TCEANC2: variants seen among roughly 807,000 people sequenced by gnomAD.
TCEANC2 encodes the protein transcription elongation factor A N-terminal and central domain containing 2.
In TCEANC2, 20 loss-of-function variants were observed where a neutral mutation model predicts 22.8. The observed-to-expected ratio is 0.88, with a 90% CI of 0.62 to 1.28. The LOEUF is 1.28. Ranked by LOEUF, TCEANC2 falls within the 50% of genes most tolerant of loss-of-function variation. The pLI is 0.00. For missense variants in TCEANC2, 251 were observed against 249.7 expected (o/e 1.01, Z -0.03); for synonymous variants, 84 against 95.5 (o/e 0.88, Z 0.70).
intron 1 of TCEANC2, 115 bp from the exon 2 acceptor site, chr1:54,054,266 C>G: frequency 6.9e-7 from 1 of 1,450,476 alleles, no homozygotes; most frequent in Non-Finnish European, 9.1e-7. Flanking sequence ...GTCAATTCCA[C>G]TCGAGGCCCC....
At chr1:54,081,455 C>T (rs1482065391) in intron 3 of TCEANC2, among the ~76,000 whole-genome samples, 1 of 152,002 alleles carries the variant, frequency 6.6e-6, no homozygotes, top group African/African-American at 2.4e-5. Flanking sequence ...CTATGTTGCC[C>T]AGGCTGATCT....
intron 2 of TCEANC2, among the ~76,000 whole-genome samples, chr1:54,058,035 C>T (rs971053164): frequency 6.6e-6 from 1 of 152,304 alleles, no homozygotes; most frequent in East Asian, 1.9e-4. Context: ...CCTTCGTGAC[C>T]TTGGTCAAGT....
chr1:54,060,637 G>C (rs571505401), intron 2 of TCEANC2, among the ~76,000 whole-genome samples: 2 of 152,036 alleles, frequency 1.3e-5, no homozygotes, highest in East Asian at 3.9e-4. Context: ...TAGACAATAA[G>C]GGCTAAGAGG....
At chr1:54,085,237 T>A (rs1658317091) in intron 3 of TCEANC2, among the ~76,000 whole-genome samples, 1 of 152,234 alleles carries the variant, frequency 6.6e-6, no homozygotes, top group African/African-American at 2.4e-5. Context: ...GGACAATTGC[T>A]TGTTTAAGCC....
In TCEANC2 at chr1:54,058,947, G is replaced by GC. The variant is rs993330379; in HGVS notation, c.102+4426dup. 2.6e-5 allele frequency among the ~76,000 whole-genome samples: 4 copies of GC among 151,774 alleles called. 1 individual carries two copies. Among genetic ancestry groups the GC allele is most frequent in the African/African-American group, 9.7e-5 (4 of 41,410 alleles). ...TAGGATTACAGGCGTGAGCCACTGT[G>GC]CCCAGCCTCTTGCTGTTCTTTGTAT... On this transcript the variant is annotated intron_variant, in intron 2 of 4. Coordinates refer to ENST00000234827, the MANE Select transcript of TCEANC2 (RefSeq NM_153035.3).
At chr1:54,068,171 C>T (rs895552747) in intron 2 of TCEANC2, among the ~76,000 whole-genome samples, 25 of 152,062 alleles carry the variant, frequency 1.6e-4, no homozygotes, top group African/African-American at 5.3e-4. Context: ...ATGCAGGGTA[C>T]AAAGGTACTT....
chr1:54,081,290 G>A (rs1658239155), intron 3 of TCEANC2, among the ~76,000 whole-genome samples: 2 of 152,108 alleles, frequency 1.3e-5, no homozygotes, highest in South Asian at 4.1e-4. Context: ...GTGCAATGGC[G>A]TGATCATAGC....
At chr1:54,089,707 A>G (rs997161364) in intron 4 of TCEANC2, 4 of 255,032 alleles carry the variant, frequency 1.6e-5, no homozygotes, top group Non-Finnish European at 2.9e-5. Flanking sequence ...TCTCTAAAAA[A>G]AATTTTAGCC....
intron 2 of TCEANC2, among the ~76,000 whole-genome samples, chr1:54,060,452 C>G (rs1323031681): frequency 6.6e-6 from 1 of 151,284 alleles, no homozygotes; most frequent in Non-Finnish European, 1.5e-5. Context: ...GCCTATGGTC[C>G]TAGCCACTAG....
At chr1:54,081,503 C>A (rs1178426297) in intron 3 of TCEANC2, among the ~76,000 whole-genome samples, 2 of 152,122 alleles carry the variant, frequency 1.3e-5, no homozygotes, top group Non-Finnish European at 2.9e-5. Flanking sequence ...TGCCTTGGCC[C>A]CCACAAAGTG....
Position 54,083,615 on chromosome 1 carries a change from T to G in TCEANC2, c.245-4982T>G, listed in dbSNP as rs77401565. 6.9e-3 allele frequency among the ~76,000 whole-genome samples: 1,056 copies of G among 152,268 alleles called. 8 individuals carry two copies. The highest frequency in any genetic ancestry group is 0.024 in the African/African-American group (1,002 of 41,540). On this transcript the variant is annotated intron_variant, in intron 3 of 4. Coordinates refer to ENST00000234827, the MANE Select transcript of TCEANC2 (RefSeq NM_153035.3). ...CTCATACATAAAGCTGGGTCAGCAG[T>G]GCGTTTCTTGGAGAGAGAAAAGGTT... is the stretch of plus-strand genomic sequence containing the variant.
chr1:54,059,848 A>G (rs185283819), intron 2 of TCEANC2, among the ~76,000 whole-genome samples: 5 of 152,372 alleles, frequency 3.3e-5, no homozygotes, highest in Admixed American at 2.6e-4. Flanking sequence ...AAAGTATTCT[A>G]CAAATGTTGT....
downstream of TCEANC2, among the ~76,000 whole-genome samples, chr1:54,109,256 G>A (rs769181450): frequency 6.6e-6 from 1 of 152,200 alleles, no homozygotes; most frequent in Non-Finnish European, 1.5e-5. Flanking sequence ...TCCCAGGTAG[G>A]GAGTGGCATT....
Position 54,100,573 on chromosome 1 carries a change from C to T in TCEANC2, c.*4100C>T, listed in dbSNP as rs1379814723. The T allele has an allele frequency of 1.3e-5, 2 of 152,192 alleles. No individual in the cohort carries two copies. Among genetic ancestry groups the T allele is most frequent in the Non-Finnish European group, 2.9e-5 (2 of 68,046 alleles). The allele number at this position is 152,192 out of a possible 1,614,324, so 9.4% of individuals were successfully genotyped here. ...TTCACAGAGGAGTTCATGTTTGAAC[C>T]AAAGCCAGAAGGATAGGTAGGAGTT... On this transcript the variant is annotated 3_prime_UTR_variant, in exon 5 of 5. Transcript: ENST00000234827.
At chr1:54,094,522 C>T (rs1019066933) in intron 4 of TCEANC2, among the ~76,000 whole-genome samples, 6 of 152,190 alleles carry the variant, frequency 3.9e-5, no homozygotes, top group East Asian at 1.9e-4. Context: ...GCACTGCCCT[C>T]CTGGGTTGGG....
chr1:54,068,663 C>T, intron 2 of TCEANC2, 93 bp from the exon 3 acceptor site: 1 of 1,304,452 alleles, frequency 7.7e-7, no homozygotes, highest in Non-Finnish European at 1.0e-6. Flanking sequence ...ATCAATAATT[C>T]ATATGTCAAT....
chr1:54,088,880 G>GATT (rs1658390879), intron 4 of TCEANC2, 90 bp downstream of exon 4: 1 of 881,464 alleles, frequency 1.1e-6, no homozygotes, highest in South Asian at 2.7e-5. Flanking sequence ...GGTCGGATGT[G>GATT]ATTAGTAGGT....
At chr1:54,079,667 A>G (rs747310301) in intron 3 of TCEANC2, among the ~76,000 whole-genome samples, 3 of 152,134 alleles carry the variant, frequency 2.0e-5, no homozygotes, top group Non-Finnish European at 4.4e-5. Context: ...GACTCATGTG[A>G]CTAGATTGGG....
chr1:54,056,379 G>A (rs1186860458), intron 2 of TCEANC2, among the ~76,000 whole-genome samples: 2 of 151,560 alleles, frequency 1.3e-5, no homozygotes, highest in Non-Finnish European at 2.9e-5. Context: ...TGGGATCTTG[G>A]CTCACTGCAA....
Sources: allele counts gnomAD v4.1 joint callset (sites outside exome capture counted in the v4.1 genomes callset), GRCh38; gene constraint gnomAD v4.1.1; transcripts MANE v1.5; gene names NCBI Gene and HGNC (gene_info 2026-07-23, HGNC 2026-07-21).